Variants in ESRRG observed in about 807,000 individuals in gnomAD.
ESRRG encodes the protein estrogen-related receptor gamma.
ESRRG carries 13 observed loss-of-function variants against 44.0 expected under a neutral mutation model. The observed-to-expected ratio is 0.30, with a 90% confidence interval of 0.19 to 0.47. The LOEUF is 0.47. ESRRG is among the 20% of genes least tolerant of loss of function. ESRRG has a pLI of 1.00. For missense variants in ESRRG, 395 were observed against 580.6 expected (o/e 0.68, Z 3.29); for synonymous variants, 215 against 214.6 (o/e 1.00, Z -0.02).
chr1:216,656,220 A>G (rs1382387051), intron 2 of ESRRG, among the ~76,000 whole-genome samples: 1 of 152,048 alleles, frequency 6.6e-6, no homozygotes, highest in Non-Finnish European at 1.5e-5. Flanking sequence ...ATAGCTTGCT[A>G]TTTTCTGGGA....
intron 2 of ESRRG, among the ~76,000 whole-genome samples, chr1:216,662,570 G>C (rs762661998): frequency 5.3e-5 from 8 of 151,944 alleles, no homozygotes; most frequent in African/African-American, 1.9e-4. Context: ...TAAGTGCCTC[G>C]CATCCCCCAG....
intron 1 of ESRRG, among the ~76,000 whole-genome samples, chr1:216,998,662 T>C (rs1202522705): frequency 6.6e-6 from 1 of 152,370 alleles, no homozygotes; most frequent in Non-Finnish European, 1.5e-5. Flanking sequence ...AATGTGCATA[T>C]ATGAGGATAA....
chr1:216,576,340 T>A (rs1253116278), intron 3 of ESRRG, among the ~76,000 whole-genome samples: 1 of 149,702 alleles, frequency 6.7e-6, no homozygotes, highest in Non-Finnish European at 1.5e-5. Flanking sequence ...AGGAGGGCTT[T>A]TTTTTTTTTT....
At position 216,757,415 on chromosome 1, in the gene ESRRG, C is replaced by T. The variant is rs1215793309; in HGVS notation, c.-13-79924G>A. On this transcript the variant is annotated intron_variant, in intron 2 of 7. Coordinates refer to the ESRRG transcript ENST00000359162. Reference sequence around the variant, plus strand: ...ATCTCTATAATAAGCACTTAAAACACTTTTCATTAATATATTTCTTTGTGT... The same window carrying T: ...ATCTCTATAATAAGCACTTAAAACATTTTTCATTAATATATTTCTTTGTGT... Among the ~76,000 whole-genome samples, 4 of 152,052 alleles carry T rather than the reference C, an allele frequency of 2.6e-5. No homozygotes were observed. The East Asian group carries it at 7.7e-4, about 29-fold the overall frequency.
chr1:216,886,037 C>T (rs533322041), intron 2 of ESRRG, among the ~76,000 whole-genome samples: 1 of 151,724 alleles, frequency 6.6e-6, no homozygotes, highest in Non-Finnish European at 1.5e-5. Context: ...TCATGGGTTT[C>T]TGAAGATACT....
At chr1:216,759,699 A>G (rs896416087) in intron 2 of ESRRG, among the ~76,000 whole-genome samples, 1 of 152,116 alleles carries the variant, frequency 6.6e-6, no homozygotes, top group African/African-American at 2.4e-5. Context: ...GGCACCAGGT[A>G]TACTAATATT....
In ESRRG at chr1:216,813,237, C is replaced by A. The variant is rs568995832; in HGVS notation, c.-14+126345G>T. Among the ~76,000 whole-genome samples, 18 of 152,234 alleles carry A rather than the reference C, an allele frequency of 1.2e-4. 1 individual carries two copies. The South Asian group carries it at 3.7e-3, about 32-fold the overall frequency. On this transcript the variant is annotated intron_variant, in intron 2 of 7. Coordinates refer to the ESRRG transcript ENST00000359162. ...CAAGTCAGAGCACCTCAAGTCATAA[C>A]CTTGCCAAGCCTGGTTAGTGATAAT...
intron 2 of ESRRG, among the ~76,000 whole-genome samples, chr1:216,888,125 C>A (rs1420246935): frequency 2.0e-5 from 3 of 152,078 alleles, no homozygotes; most frequent in Middle Eastern, 3.2e-3. Flanking sequence ...TGAAACAATG[C>A]AATTTTTCCT....
At chr1:216,959,897 A>C (rs2068697371) in intron 1 of ESRRG, among the ~76,000 whole-genome samples, 1 of 152,164 alleles carries the variant, frequency 6.6e-6, no homozygotes. Flanking sequence ...TATACTGAGC[A>C]CTTACTGAGA....
At chr1:216,643,106 A>G (rs2066783844) in intron 3 of ESRRG, among the ~76,000 whole-genome samples, 2 of 152,182 alleles carry the variant, frequency 1.3e-5, no homozygotes, top group Admixed American at 1.3e-4. Context: ...ATATAAATCA[A>G]GACTCAAGCT....
intron 1 of ESRRG, among the ~76,000 whole-genome samples, chr1:217,065,697 G>A (rs1401531835): frequency 6.6e-6 from 1 of 152,172 alleles, no homozygotes; most frequent in Non-Finnish European, 1.5e-5. Context: ...GGTTTTTGGA[G>A]AGGAAAAGAC....
intron 1 of ESRRG, among the ~76,000 whole-genome samples, chr1:216,705,748 T>C (rs1288017308): frequency 6.6e-6 from 1 of 152,206 alleles, no homozygotes. Flanking sequence ...TCTATTTATT[T>C]ATACTAGCTA....
intron 1 of ESRRG, among the ~76,000 whole-genome samples, chr1:216,708,589 A>G (rs76301278): frequency 0.018 from 2,790 of 152,298 alleles, 83 homozygotes; most frequent in African/African-American, 0.064. Flanking sequence ...GATGTGGAGA[A>G]ATAGGAACGC....
intron 2 of ESRRG, among the ~76,000 whole-genome samples, chr1:216,882,896 CTTTTA>C (rs1270267039): frequency 6.6e-6 from 1 of 151,458 alleles, no homozygotes; most frequent in Non-Finnish European, 1.5e-5. Context: ...TATTTTCACT[CTTTTA>C]TTTTAAGAGT....
rs149227179 is a variant in ESRRG at position 216,942,557 on chromosome 1, A to C, written c.-105-2884T>G. ...TAGTTATAAATGTTTCCTTTTCTCC[A>C]CAACCCCACAAACATCTGTTATTTT... On this transcript the variant is annotated intron_variant, in intron 1 of 7. Coordinates refer to the ESRRG transcript ENST00000359162. Among the ~76,000 whole-genome samples the C allele has an allele frequency of 1.4e-4, 22 of 152,246 alleles. 1 individual carries two copies. Among genetic ancestry groups the C allele is most frequent in the African/African-American group, 5.1e-4 (21 of 41,558 alleles).
chr1:216,527,207 T>C (rs557501710), intron 5 of ESRRG, among the ~76,000 whole-genome samples: 1 of 152,278 alleles, frequency 6.6e-6, no homozygotes, highest in South Asian at 2.1e-4. Context: ...GTTTAGTGCT[T>C]GGTTGTACAC....
intron 1 of ESRRG, among the ~76,000 whole-genome samples, chr1:216,952,518 T>C (rs995225145): frequency 6.6e-6 from 1 of 152,082 alleles, no homozygotes; most frequent in African/African-American, 2.4e-5. Flanking sequence ...TATTCCCCCA[T>C]GGCATCCTCC....
At chr1:217,128,143 C>T (rs2092915552) in intron 1 of ESRRG, among the ~76,000 whole-genome samples, 1 of 152,096 alleles carries the variant, frequency 6.6e-6, no homozygotes, top group Non-Finnish European at 1.5e-5. Flanking sequence ...TGGACAAAAT[C>T]GGAGGTCTCC....
At chr1:216,882,258 A>C (rs1248604281) in intron 2 of ESRRG, among the ~76,000 whole-genome samples, 1 of 152,190 alleles carries the variant, frequency 6.6e-6, no homozygotes, top group Non-Finnish European at 1.5e-5. Context: ...TAGATGGTCC[A>C]TCAGCTTTGA....
Sources: gnomAD v4.1 joint callset for allele counts (sites outside exome capture counted in the v4.1 genomes callset) on GRCh38, gnomAD v4.1.1 for gene constraint, MANE v1.5 for transcripts, NCBI Gene and HGNC (gene_info 2026-07-23, HGNC 2026-07-21) for gene names.